ERP44: variants seen among roughly 807,000 people sequenced by gnomAD.
ERP44 encodes endoplasmic reticulum resident protein 44.
A neutral mutation model predicts 53.4 loss-of-function variants in ERP44; 25 were observed. That is an observed-to-expected ratio of 0.47 (90% CI 0.34 to 0.65). The LOEUF is 0.65. Ranked by LOEUF, ERP44 falls within the 30% of genes least tolerant of loss-of-function variation. The pLI, the probability that ERP44 is intolerant of heterozygous loss-of-function variation, is 0.01. For synonymous variants in ERP44, 145 were observed against 161.2 expected (o/e 0.90, Z 0.76); for missense variants, 338 against 493.2 (o/e 0.69, Z 2.98).
At chr9:100,024,280 T>C (rs1392525111) in intron 4 of ERP44, among the ~76,000 whole-genome samples, 12 of 146,332 alleles carry the variant, frequency 8.2e-5, no homozygotes, top group Non-Finnish European at 1.5e-4. Context: ...GGCTGTAATA[T>C]AAAGAAATAA....
chr9:99,985,410 A>G (rs549951693), intron 10 of ERP44, among the ~76,000 whole-genome samples: 4 of 152,374 alleles, frequency 2.6e-5, no homozygotes, highest in African/African-American at 9.6e-5. Context: ...ACTAAAAAAA[A>G]ACTTTGTTCT....
intron 10 of ERP44, among the ~76,000 whole-genome samples, chr9:99,991,139 T>C (rs1336397959): frequency 1.3e-5 from 2 of 152,178 alleles, no homozygotes; most frequent in Non-Finnish European, 2.9e-5. Context: ...TATCCAGCAC[T>C]TGAACTCAGC....
chr9:100,049,928 G>T (rs1359121013), intron 4 of ERP44, among the ~76,000 whole-genome samples: 3 of 151,886 alleles, frequency 2.0e-5, no homozygotes, highest in African/African-American at 7.3e-5. Flanking sequence ...CTGTCAGGAA[G>T]TGAACAGATA....
In ERP44 at chr9:99,984,985, A is replaced by T; in HGVS notation, c.1101T>A (p.Thr367=). The change falls in exon 11 of 12, where the codon ACT becomes ACA. Residue 367 remains threonine (T), a synonymous_variant. Transcript: ENST00000262455. The part of the protein sequence containing the change: ...HREFHHGPDP[T]DTAPGEQAQD... ...GTCCTACCTCTCCTGGGGCTGTATCAGTTGGGTCAGGTCCATGATGGAATT... is the reference window on the plus strand; with the variant it reads ...GTCCTACCTCTCCTGGGGCTGTATCTGTTGGGTCAGGTCCATGATGGAATT... The T allele has an allele frequency of 6.2e-7, 1 of 1,610,794 alleles. No homozygotes were observed. Among genetic ancestry groups the T allele is most frequent in the Non-Finnish European group, 8.5e-7 (1 of 1,177,094 alleles).
intron 1 of ERP44, among the ~76,000 whole-genome samples, chr9:100,078,615 CG>C (rs1483383596): frequency 2.0e-5 from 3 of 151,818 alleles, no homozygotes; most frequent in African/African-American, 7.3e-5. Flanking sequence ...ATTAGCTGGG[CG>C]TGGTAGCAGG....
At chr9:100,085,893 CTGTCTCA>C (rs1826474472) in intron 1 of ERP44, among the ~76,000 whole-genome samples, 1 of 152,160 alleles carries the variant, frequency 6.6e-6, no homozygotes, top group African/African-American at 2.4e-5. Flanking sequence ...GAGCGAAACT[CTGTCTCA>C]AAAACAAAAC....
At chr9:100,054,365 T>A (rs759829127) in intron 3 of ERP44, among the ~76,000 whole-genome samples, 1 of 152,134 alleles carries the variant, frequency 6.6e-6, no homozygotes, top group Admixed American at 6.5e-5. Context: ...AATGGTTTCT[T>A]GAAAAATTTA....
At chr9:100,086,715 A>T (rs1826488473) in intron 1 of ERP44, among the ~76,000 whole-genome samples, 1 of 152,208 alleles carries the variant, frequency 6.6e-6, no homozygotes. Context: ...GCTAGGAATG[A>T]AGCAGGTCTT....
intron 4 of ERP44, among the ~76,000 whole-genome samples, chr9:100,026,149 T>C (rs934883067): frequency 6.6e-6 from 1 of 152,208 alleles, no homozygotes; most frequent in Non-Finnish European, 1.5e-5. Context: ...TATACCTGCA[T>C]AGGCAAGAGA....
At chr9:100,087,409 A>G (rs1001185026) in intron 1 of ERP44, among the ~76,000 whole-genome samples, 1 of 152,202 alleles carries the variant, frequency 6.6e-6, no homozygotes, top group Non-Finnish European at 1.5e-5. Context: ...CAATTTTAAT[A>G]CCATTGGACA....
At chr9:99,987,205 A>T (rs1937446277) in intron 10 of ERP44, among the ~76,000 whole-genome samples, 1 of 152,230 alleles carries the variant, frequency 6.6e-6, no homozygotes, top group South Asian at 2.1e-4. Flanking sequence ...TAGATTATAA[A>T]AGAGCTCTTA....
chr9:100,011,208 A>T (rs1159959923), intron 8 of ERP44, among the ~76,000 whole-genome samples: 5 of 152,218 alleles, frequency 3.3e-5, no homozygotes, highest in Non-Finnish European at 5.9e-5. Context: ...CTTAAATCCC[A>T]ATCTCTTCTA....
chr9:99,983,354 G>A (rs965689733), intron 11 of ERP44, among the ~76,000 whole-genome samples: 1 of 151,754 alleles, frequency 6.6e-6, no homozygotes, highest in Non-Finnish European at 1.5e-5. Context: ...GACCATCCTG[G>A]CTAACAAGGT....
intron 1 of ERP44, among the ~76,000 whole-genome samples, chr9:100,074,692 A>G (rs914743012): frequency 6.6e-6 from 1 of 152,202 alleles, no homozygotes; most frequent in Non-Finnish European, 1.5e-5. Flanking sequence ...TACCAGGGTA[A>G]CTGTGCATTG....
chr9:100,037,545 TA>T (rs1218369456), intron 4 of ERP44, among the ~76,000 whole-genome samples: 1 of 152,092 alleles, frequency 6.6e-6, no homozygotes, highest in Non-Finnish European at 1.5e-5. Flanking sequence ...ACCCCTCCGT[TA>T]ACCCCAGACT....
At chr9:99,992,668 G>A (rs1830268377) in intron 10 of ERP44, among the ~76,000 whole-genome samples, 1 of 152,124 alleles carries the variant, frequency 6.6e-6, no homozygotes, top group African/African-American at 2.4e-5. Flanking sequence ...TCTGGCCACG[G>A]CAATCAGGCA....
intron 1 of ERP44, among the ~76,000 whole-genome samples, chr9:100,068,597 G>A (rs1162778348): frequency 1.4e-5 from 2 of 146,812 alleles, no homozygotes; most frequent in Non-Finnish European, 1.5e-5. Flanking sequence ...CCGGCCGGCT[G>A]CCCCGTCCGG....
chr9:100,051,576 T>C (rs1452805859), intron 4 of ERP44, among the ~76,000 whole-genome samples: 2 of 151,990 alleles, frequency 1.3e-5, no homozygotes, highest in African/African-American at 4.8e-5. Context: ...GGTCTCCTCT[T>C]AAAAGTGAGC....
At chr9:100,066,561 A>G (rs553829366) in intron 1 of ERP44, among the ~76,000 whole-genome samples, 1 of 152,184 alleles carries the variant, frequency 6.6e-6, no homozygotes, top group Non-Finnish European at 1.5e-5. Context: ...CCCTTTCTTT[A>G]CAAACTATGT....
Sources: gnomAD v4.1 joint callset for allele counts (sites outside exome capture counted in the v4.1 genomes callset) on GRCh38, gnomAD v4.1.1 for gene constraint, MANE v1.5 for transcripts, NCBI Gene and HGNC (gene_info 2026-07-23, HGNC 2026-07-21) for gene names.